ALX1: variants seen among roughly 807,000 people sequenced by gnomAD.
ALX1 encodes ALX homeobox 1.
A neutral mutation model predicts 31.7 loss-of-function variants in ALX1; 19 were observed. That is an observed-to-expected ratio of 0.60 (90% CI 0.42 to 0.88). The LOEUF (loss-of-function observed/expected upper bound fraction) is 0.88. Ranked by LOEUF, ALX1 falls within the 40% of genes least tolerant of loss-of-function variation. The pLI is 0.00. For missense variants in ALX1, 415 were observed against 407.8 expected (o/e 1.02, Z -0.15); for synonymous variants, 153 against 148.8 (o/e 1.03, Z -0.20).
At chr12:85,284,351 AAC>A (rs1491405985) in intron 2 of ALX1, among the ~76,000 whole-genome samples, 1 of 151,322 alleles carries the variant, frequency 6.6e-6, no homozygotes, top group African/African-American at 2.4e-5. Flanking sequence ...TAAAAAAAAA[AAC>A]AATCCCACAA....
intron 3 of ALX1, among the ~76,000 whole-genome samples, chr12:85,294,147 TA>T (rs1439502582): frequency 6.6e-6 from 1 of 151,222 alleles, no homozygotes; most frequent in Non-Finnish European, 1.5e-5. Flanking sequence ...CTGTACAAAT[TA>T]AAATATTTGT....
chr12:85,282,004 G>A (rs1896680399), intron 1 of ALX1, among the ~76,000 whole-genome samples: 2 of 152,150 alleles, frequency 1.3e-5, no homozygotes, highest in South Asian at 4.1e-4. Flanking sequence ...TTATAACAAA[G>A]AAGTGTTAAG....
chr12:85,284,673 C>T (rs1175701563), intron 2 of ALX1, among the ~76,000 whole-genome samples: 2 of 151,926 alleles, frequency 1.3e-5, no homozygotes, highest in African/African-American at 4.8e-5. Flanking sequence ...TAAAATTTTA[C>T]CTCTTAGGAG....
Position 85,283,689 on chromosome 12 carries a change from A to C in ALX1, c.344A>C (p.Glu115Ala). ...SPVKGMQEKG[E>A]LDELGDKCDS... is the part of the protein sequence containing the mutation. ...GTGAAAGGGATGCAAGAGAAGGGAGAGCTGGATGAACTTGGGGATAAATGT... is the reference window on the plus strand; with the variant it reads ...GTGAAAGGGATGCAAGAGAAGGGAGCGCTGGATGAACTTGGGGATAAATGT... Residue 115 changes from glutamate to alanine, a missense_variant, in exon 2 of 4, where the codon GAG (glutamate) becomes GCG (alanine). Physicochemically the swap from Glu to Ala is moderately radical, Grantham distance 107. Transcript: ENST00000316824. The C allele has an allele frequency of 6.2e-7, 1 of 1,614,124 alleles. No homozygotes were observed. The highest frequency in any genetic ancestry group is 8.5e-7 in the Non-Finnish European group (1 of 1,180,010).
intron 3 of ALX1, among the ~76,000 whole-genome samples, chr12:85,291,911 T>C (rs1472097565): frequency 6.6e-6 from 1 of 151,096 alleles, no homozygotes; most frequent in African/African-American, 2.4e-5. Context: ...TTTTGGCTTT[T>C]CAGTTTAATA....
At chr12:85,285,329 T>C (rs544253782) in intron 2 of ALX1, among the ~76,000 whole-genome samples, 3 of 152,146 alleles carry the variant, frequency 2.0e-5, no homozygotes, top group South Asian at 2.1e-4. Context: ...ATTACTCATT[T>C]TAAGGAAATT....
At chr12:85,283,310 C>T (rs2137376365) in intron 1 of ALX1, among the ~76,000 whole-genome samples, 1 of 152,232 alleles carries the variant, frequency 6.6e-6, no homozygotes, top group East Asian at 1.9e-4. Context: ...AAGTAAAAAA[C>T]ATGTGCATAA....
rs1430861676 is a variant in ALX1 at position 85,280,253 on chromosome 12, T to G, written c.-9T>G. 1 of 1,612,672 alleles carries G rather than the reference T, an allele frequency of 6.2e-7. No homozygotes were observed. Among genetic ancestry groups the G allele is most frequent in the Non-Finnish European group, 8.5e-7 (1 of 1,179,772 alleles). Reference sequence around the variant, plus strand: ...TGCCCCAGGAGCTACGCGACAGTCTTCCAGGATTATGGAGTTTCTGAGCGA... The same window carrying G: ...TGCCCCAGGAGCTACGCGACAGTCTGCCAGGATTATGGAGTTTCTGAGCGA... On this transcript the variant is annotated 5_prime_UTR_variant, in exon 1 of 4. Coordinates refer to ENST00000316824, the MANE Select transcript of ALX1 (RefSeq NM_006982.3).
Position 85,283,995 on chromosome 12 carries a change from C to T in ALX1, c.531+119C>T, listed in dbSNP as rs568224279. The T allele has an allele frequency of 6.4e-5, 73 of 1,146,794 alleles. No individual in the cohort carries two copies. The Admixed American group carries it at 9.8e-4, about 15-fold the overall frequency. The allele number at this position is 1,146,794 out of a possible 1,614,324, so 71.0% of individuals were successfully genotyped here. A position where few individuals can be genotyped will look rare whatever the true frequency, so the allele number is the denominator to read the frequency against. ...TGATTCCCTAGCTGAAGATGAGAAA[C>T]GGAGTAATATATATGAATATATGTC... On this transcript the variant is annotated intron_variant, in intron 2 of 3. Coordinates refer to ENST00000316824, the MANE Select transcript of ALX1 (RefSeq NM_006982.3).
Position 85,280,503 on chromosome 12 carries a change from C to T in ALX1, c.226+16C>T, listed in dbSNP as rs1896655173. 1.2e-5 allele frequency: 19 copies of T among 1,607,838 alleles called. No individual in the cohort carries two copies. The highest frequency in any genetic ancestry group is 1.5e-5 in the Non-Finnish European group (18 of 1,179,068). On this transcript the variant is annotated intron_variant, in intron 1 of 3. Transcript: ENST00000316824. Reference sequence around the variant, plus strand: ...GACAGCAGCGGTGAGTCGCTAGCGCCCCAGCCGGAGCCGCCGCAGCCCTTC... The same window carrying T: ...GACAGCAGCGGTGAGTCGCTAGCGCTCCAGCCGGAGCCGCCGCAGCCCTTC...
Position 85,301,418 on chromosome 12 carries a change from C to T in ALX1, c.924C>T (p.Ile308=), listed in dbSNP as rs781202800. The T allele has an allele frequency of 3.5e-5, 57 of 1,613,966 alleles. 2 individuals are homozygous for T. The Admixed American group carries it at 9.0e-4, about 25-fold the overall frequency. The change falls in exon 4 of 4, where the codon ATC becomes ATT. Residue 308 remains isoleucine, a synonymous_variant. Coordinates refer to ENST00000316824, the MANE Select transcript of ALX1 (RefSeq NM_006982.3). ...AGTTTGAAAGGAGGTCTTCCAGTAT[C>T]GCAGTTCTTCGAATGAAAGCCAAGG... is the stretch of plus-strand genomic sequence containing the variant. ...KPEFERRSSS[I]AVLRMKAKEH... is the part of the protein sequence containing the mutation.
intron 3 of ALX1, among the ~76,000 whole-genome samples, chr12:85,298,126 T>G (rs916746458): frequency 2.0e-5 from 3 of 151,572 alleles, no homozygotes; most frequent in African/African-American, 7.3e-5. Context: ...GTAGGGATAA[T>G]GAGTAAATAA....
chr12:85,293,034 T>C (rs1896838883), intron 3 of ALX1, among the ~76,000 whole-genome samples: 1 of 150,760 alleles, frequency 6.6e-6, no homozygotes, highest in African/African-American at 2.4e-5. Flanking sequence ...AATGATACAG[T>C]GAAAATTCTT....
At position 85,301,773 on chromosome 12, in the gene ALX1, G is replaced by T. The variant is rs1407056864; in HGVS notation, c.*298G>T. ...TCACGCAACTTATTAAAGAATAAAT[G>T]TGTTAAACAAATTCTTCTGTTATAG... On this transcript the variant is annotated 3_prime_UTR_variant, in exon 4 of 4. Transcript: ENST00000316824. 1 of 368,892 alleles carries T rather than the reference G, an allele frequency of 2.7e-6. No homozygotes were observed. Among genetic ancestry groups the T allele is most frequent in the Non-Finnish European group, 4.9e-6 (1 of 203,930 alleles). 22.9% of individuals were successfully genotyped at this position (368,892 alleles called of 1,614,324 possible). A position where few individuals can be genotyped will look rare whatever the true frequency, so the allele number is the denominator to read the frequency against.
At chr12:85,289,932 C>T (rs1490379755) in intron 3 of ALX1, among the ~76,000 whole-genome samples, 1 of 150,918 alleles carries the variant, frequency 6.6e-6, no homozygotes, top group Admixed American at 6.6e-5. Context: ...AATCCAATAT[C>T]TCAGTCTAAT....
Position 85,295,617 on chromosome 12 carries a change from C to T in ALX1, c.661-5538C>T, listed in dbSNP as rs11116775. On this transcript the variant is annotated intron_variant, in intron 3 of 3. Coordinates refer to ENST00000316824, the MANE Select transcript of ALX1 (RefSeq NM_006982.3). ...ATTGCTATAACATCATCACAAGTAA[C>T]TCTATAAATCTCTGATCTCTGTCTT... Among the ~76,000 whole-genome samples, 1,023 of 151,622 alleles carry T rather than the reference C, an allele frequency of 6.7e-3. 13 individuals carry two copies. The highest frequency in any genetic ancestry group is 0.023 in the African/African-American group (957 of 41,472).
intron 3 of ALX1, among the ~76,000 whole-genome samples, chr12:85,296,713 G>A (rs73365772): frequency 1.3e-5 from 2 of 151,444 alleles, no homozygotes; most frequent in African/African-American, 2.4e-5. Flanking sequence ...AAAAAATAAA[G>A]GCAGTCAATC....
intron 3 of ALX1, among the ~76,000 whole-genome samples, chr12:85,296,969 A>T (rs1262292606): frequency 2.6e-5 from 4 of 151,750 alleles, no homozygotes; most frequent in Non-Finnish European, 5.9e-5. Context: ...TCCTTTAACG[A>T]ATCAGAGTGC....
Position 85,301,546 on chromosome 12 carries a change from C to T in ALX1, c.*71C>T. ...TCTTATTTCTCATATTTAAAGGATA[C>T]CACAATAAGCTGCTGTGTGTGGAAT... On this transcript the variant is annotated 3_prime_UTR_variant, in exon 4 of 4. Transcript: ENST00000316824. 6.7e-7 allele frequency: 1 copy of T among 1,481,670 alleles called. No individual in the cohort carries two copies. The highest frequency in any genetic ancestry group is 9.3e-7 in the Non-Finnish European group (1 of 1,074,512). The allele number at this position is 1,481,670 out of a possible 1,614,324, so 91.8% of individuals were successfully genotyped here.
Sources: allele counts gnomAD v4.1 joint callset (sites outside exome capture counted in the v4.1 genomes callset), GRCh38; gene constraint gnomAD v4.1.1; transcripts MANE v1.5; gene names NCBI Gene and HGNC (gene_info 2026-07-23, HGNC 2026-07-21).